Variants in GSG1L observed in about 807,000 individuals in gnomAD.
GSG1L encodes GSG1 like.
GSG1L carries 24 observed loss-of-function variants against 42.1 expected under a neutral mutation model. The observed-to-expected ratio is 0.57, with a 90% CI of 0.41 to 0.80. GSG1L has a LOEUF of 0.80. Ranked by LOEUF, GSG1L falls within the 30% of genes least tolerant of loss-of-function variation. The pLI is 0.00. For missense variants in GSG1L, 445 were observed against 472.2 expected (o/e 0.94, Z 0.53); for synonymous variants, 215 against 203.5 (o/e 1.06, Z -0.48).
At chr16:27,908,521 C>G (rs368309019) in intron 2 of GSG1L, among the ~76,000 whole-genome samples, 15 of 152,246 alleles carry the variant, frequency 9.9e-5, no homozygotes, top group African/African-American at 3.6e-4. Flanking sequence ...TAACAGAATA[C>G]CAGAGACTGG....
intron 2 of GSG1L, among the ~76,000 whole-genome samples, chr16:27,895,918 G>A (rs879552522): frequency 5.9e-5 from 9 of 152,178 alleles, no homozygotes; most frequent in Non-Finnish European, 1.2e-4. Context: ...GGAAACACAG[G>A]CCTGGAGATG....
chr16:28,052,421 G>T (rs2086230740), intron 1 of GSG1L, among the ~76,000 whole-genome samples: 1 of 152,054 alleles, frequency 6.6e-6, no homozygotes, highest in South Asian at 2.1e-4. Flanking sequence ...GTGCCACCCT[G>T]CTGGCCCCAG....
At chr16:27,959,376 G>C (rs1261935968) in intron 2 of GSG1L, among the ~76,000 whole-genome samples, 1 of 151,644 alleles carries the variant, frequency 6.6e-6, no homozygotes, top group Non-Finnish European at 1.5e-5. Flanking sequence ...GCTGAGGCAG[G>C]AGAATCGCTT....
At chr16:28,039,274 T>A (rs1250981784) in intron 1 of GSG1L, among the ~76,000 whole-genome samples, 1 of 152,138 alleles carries the variant, frequency 6.6e-6, no homozygotes, top group African/African-American at 2.4e-5. Context: ...TTCCACCCTA[T>A]GACGTGGGAA....
At chr16:27,803,931 T>C (rs2082921559) in intron 6 of GSG1L, among the ~76,000 whole-genome samples, 1 of 151,272 alleles carries the variant, frequency 6.6e-6, no homozygotes, top group South Asian at 2.1e-4. Context: ...AGATGATGGA[T>C]GGATAGATTA....
At chr16:27,853,079 C>T (rs1053290118) in intron 3 of GSG1L, among the ~76,000 whole-genome samples, 2 of 151,980 alleles carry the variant, frequency 1.3e-5, no homozygotes, top group African/African-American at 2.4e-5. Flanking sequence ...CAGCCTCCCG[C>T]GGAAAAAAAA....
In GSG1L at chr16:27,944,514, C is replaced by T. The variant is rs994038623; in HGVS notation, c.397+18642G>A. Among the ~76,000 whole-genome samples, 5 of 151,296 alleles carry T rather than the reference C, an allele frequency of 3.3e-5. No individual in the cohort carries two copies. The East Asian group carries it at 5.8e-4, about 18-fold the overall frequency. ...GCATGTACCCATAATCCCAGCTACT[C>T]GGGAGGCTGAGGCAGGAGAATTGCT... On this transcript the variant is annotated intron_variant, in intron 2 of 6. Transcript: ENST00000447459.
At chr16:27,878,261 G>C (rs1386323569) in intron 3 of GSG1L, among the ~76,000 whole-genome samples, 1 of 152,154 alleles carries the variant, frequency 6.6e-6, no homozygotes, top group Non-Finnish European at 1.5e-5. Flanking sequence ...AAGAAAAGGG[G>C]TTTAATTGTT....
At chr16:28,003,755 C>T (rs753529350) in intron 1 of GSG1L, among the ~76,000 whole-genome samples, 8 of 152,296 alleles carry the variant, frequency 5.3e-5, no homozygotes, top group Non-Finnish European at 1.2e-4. Context: ...TCAATCCCCA[C>T]CCCCAACCCA....
At chr16:27,839,864 T>A (rs1426909052) in intron 4 of GSG1L, among the ~76,000 whole-genome samples, 1 of 152,220 alleles carries the variant, frequency 6.6e-6, no homozygotes, top group Non-Finnish European at 1.5e-5. Flanking sequence ...CCCGGCTGCA[T>A]GCAGTTCACA....
intron 2 of GSG1L, among the ~76,000 whole-genome samples, chr16:27,955,083 C>T (rs1262629663): frequency 6.6e-6 from 1 of 151,986 alleles, no homozygotes; most frequent in East Asian, 1.9e-4. Flanking sequence ...CACTGTTAAA[C>T]GTGAACATCA....
chr16:28,057,026 C>T (rs942761027), intron 1 of GSG1L, among the ~76,000 whole-genome samples: 2 of 152,006 alleles, frequency 1.3e-5, no homozygotes, highest in South Asian at 2.1e-4. Context: ...ACAAAAGCCT[C>T]GGCCTGTCAA....
At chr16:27,821,907 A>C (rs1201795964) in intron 5 of GSG1L, among the ~76,000 whole-genome samples, 3 of 113,180 alleles carry the variant, frequency 2.7e-5, no homozygotes, top group African/African-American at 1.1e-4. Context: ...GTCTCAAAAA[A>C]GTAAATAAAT....
intron 1 of GSG1L, among the ~76,000 whole-genome samples, chr16:27,966,739 G>A (rs753496172): frequency 2.6e-5 from 4 of 152,098 alleles, no homozygotes; most frequent in South Asian, 2.1e-4. Context: ...GAGAGGGGGC[G>A]CACGCTGGAC....
At chr16:27,948,609 C>CTTT (rs202151239) in intron 2 of GSG1L, among the ~76,000 whole-genome samples, 41 of 116,610 alleles carry the variant, frequency 3.5e-4, no homozygotes, top group Non-Finnish European at 4.1e-4. Context: ...TCTTCTTCTT[C>CTTT]TTTTTTTTTT....
chr16:28,004,505 T>C (rs1285254107), intron 1 of GSG1L, among the ~76,000 whole-genome samples: 1 of 146,506 alleles, frequency 6.8e-6, no homozygotes, highest in Admixed American at 6.8e-5. Flanking sequence ...CCGGGCAGGG[T>C]AGCTTACACT....
chr16:27,964,863 G>C (rs2085111949), intron 1 of GSG1L, among the ~76,000 whole-genome samples: 1 of 152,106 alleles, frequency 6.6e-6, no homozygotes, highest in Non-Finnish European at 1.5e-5. Context: ...CCTACTATTT[G>C]CTAGCACAAC....
At chr16:27,820,112 T>C (rs1039507865) in intron 5 of GSG1L, among the ~76,000 whole-genome samples, 1 of 152,118 alleles carries the variant, frequency 6.6e-6, no homozygotes, top group Non-Finnish European at 1.5e-5. Context: ...GAAATAAGAC[T>C]GCATTTGGGG....
Position 27,788,822 on chromosome 16 carries a change from G to A in GSG1L, c.*2548C>T, listed in dbSNP as rs1330776647. Reference sequence around the variant, plus strand: ...AACAGCTTGAAGAGGTAGGTATAATGATTATCCGGATTTAATGGATGAGGA... The same window carrying A: ...AACAGCTTGAAGAGGTAGGTATAATAATTATCCGGATTTAATGGATGAGGA... On this transcript the variant is annotated 3_prime_UTR_variant, in exon 7 of 7. Coordinates refer to ENST00000447459, the MANE Select transcript of GSG1L (RefSeq NM_001109763.2). 1 of 152,234 alleles carries A rather than the reference G, an allele frequency of 6.6e-6. No individual in the cohort carries two copies. Among genetic ancestry groups the A allele is most frequent in the Non-Finnish European group, 1.5e-5 (1 of 68,056 alleles). 9.4% of individuals were successfully genotyped at this position (152,234 alleles called of 1,614,324 possible).
Sources: allele counts gnomAD v4.1 joint callset (sites outside exome capture counted in the v4.1 genomes callset), GRCh38; gene constraint gnomAD v4.1.1; transcripts MANE v1.5; gene names NCBI Gene and HGNC (gene_info 2026-07-23, HGNC 2026-07-21).